Variants in CDH13 observed in about 807,000 individuals in gnomAD.
The protein encoded by CDH13 is cadherin 13.
In CDH13, 24 loss-of-function variants were observed where a neutral mutation model predicts 63.8. The ratio of observed to expected loss-of-function variants is 0.38; its 90% CI spans 0.27 to 0.53. CDH13 has a LOEUF of 0.53. Among genes scored for constraint, CDH13 ranks in the 20% least tolerant of loss-of-function variants. CDH13 has a pLI of 0.85. For missense variants in CDH13, 1,049 were observed against 903.1 expected, an observed-to-expected ratio of 1.16 and a Z score of -2.07; for synonymous variants, 503 against 355.3, an observed-to-expected ratio of 1.42 and a Z score of -4.67.
intron 3 of CDH13, among the ~76,000 whole-genome samples, chr16:83,103,696 C>G (rs989175129): frequency 1.3e-5 from 2 of 152,164 alleles, no homozygotes; most frequent in Admixed American, 1.3e-4. Flanking sequence ...AGTGTTTAAC[C>G]TTCCTGTGCC....
At chr16:83,216,406 A>ATATGTGTG (rs1305455225) in intron 4 of CDH13, among the ~76,000 whole-genome samples, 2 of 60,980 alleles carry the variant, frequency 3.3e-5, no homozygotes, top group African/African-American at 1.5e-4. Context: ...AAATATATAT[A>ATATGTGTG]TATATATATA....
intron 2 of CDH13, among the ~76,000 whole-genome samples, chr16:83,008,363 T>G (rs1913762205): frequency 6.6e-6 from 1 of 152,166 alleles, no homozygotes; most frequent in African/African-American, 2.4e-5. Flanking sequence ...CAGGGGAGCC[T>G]TGGAAATGTG....
chr16:82,998,345 A>G (rs1245194567), intron 2 of CDH13, among the ~76,000 whole-genome samples: 1 of 152,246 alleles, frequency 6.6e-6, no homozygotes, highest in Non-Finnish European at 1.5e-5. Context: ...GAACATAGCA[A>G]AAAAGCATTT....
chr16:83,538,215 G>T (rs950277613), intron 7 of CDH13, among the ~76,000 whole-genome samples: 1 of 152,184 alleles, frequency 6.6e-6, no homozygotes, highest in Non-Finnish European at 1.5e-5. Flanking sequence ...GGGAAGCTCT[G>T]CCTCTTGTTG....
chr16:83,195,558 A>G (rs2038854005), intron 4 of CDH13, among the ~76,000 whole-genome samples: 1 of 152,086 alleles, frequency 6.6e-6, no homozygotes, highest in South Asian at 2.1e-4. Context: ...GAACTCTATC[A>G]CGAGAATAGC....
At chr16:82,639,240 G>C in intron 1 of CDH13, 5 of 529,210 alleles carry the variant, frequency 9.4e-6, no homozygotes, top group Admixed American at 3.4e-5. Context: ...TGAGTTCCTA[G>C]TCTCTCAAAG....
intron 5 of CDH13, among the ~76,000 whole-genome samples, chr16:83,324,594 AT>A (rs1366403076): frequency 2.0e-5 from 3 of 152,168 alleles, no homozygotes; most frequent in African/African-American, 7.2e-5. Flanking sequence ...ATCCCATTTT[AT>A]AGCTGAGTAA....
chr16:83,348,558 C>A lies in CDH13; in HGVS notation c.781+3552C>A, dbSNP rs373879945. On this transcript the variant is annotated intron_variant, in intron 6 of 13. Transcript: ENST00000567109. ...GGGGCTTGGTTTAGCGTTCTGCTGT[C>A]ACCATGTTGAAATTCTTAATAATTG... Among the ~76,000 whole-genome samples, 4 of 152,328 alleles carry A rather than the reference C, an allele frequency of 2.6e-5. No homozygotes were observed. The East Asian group carries it at 7.7e-4, about 29-fold the overall frequency.
chr16:83,372,572 T>A, intron 6 of CDH13, among the ~76,000 whole-genome samples: 1 of 151,700 alleles, frequency 6.6e-6, no homozygotes, highest in East Asian at 1.9e-4. Context: ...GCCAACATGG[T>A]GAAACCCCAT....
At chr16:82,646,816 A>G (rs1302900596) in intron 1 of CDH13, among the ~76,000 whole-genome samples, 1 of 152,140 alleles carries the variant, frequency 6.6e-6, no homozygotes, top group South Asian at 2.1e-4. Context: ...AGCCAGAGAG[A>G]GGAAGGATGA....
chr16:82,807,294 A>T (rs1307759695), intron 1 of CDH13, among the ~76,000 whole-genome samples: 2 of 152,188 alleles, frequency 1.3e-5, no homozygotes, highest in Non-Finnish European at 2.9e-5. Context: ...AAAAGACAAA[A>T]AGGAGTTGAA....
At chr16:83,631,913 C>T (rs1425951552) in intron 8 of CDH13, among the ~76,000 whole-genome samples, 1 of 152,194 alleles carries the variant, frequency 6.6e-6, no homozygotes, top group Non-Finnish European at 1.5e-5. Flanking sequence ...TGAAGACATT[C>T]AAGAAGTCTC....
At position 82,639,174 on chromosome 16, in the gene CDH13, A is replaced by G. The variant is rs954027901; in HGVS notation, c.45+12037A>G. 5.3e-5 allele frequency among the ~76,000 whole-genome samples: 8 copies of G among 151,840 alleles called. No homozygotes were observed. The East Asian group carries it at 5.8e-4, about 11-fold the overall frequency. On this transcript the variant is annotated intron_variant, in intron 1 of 13. Coordinates refer to ENST00000567109, the MANE Select transcript of CDH13 (RefSeq NM_001257.5). ...TATATAAAAATTCTTTCCTTTGTCT[A>G]TTTTGTTCTCTACCTCCCTTAAAGT...
chr16:83,486,833 G>A (rs990548446), intron 7 of CDH13, among the ~76,000 whole-genome samples, 178 bp downstream of exon 7: 1 of 152,126 alleles, frequency 6.6e-6, no homozygotes, highest in South Asian at 2.1e-4. Flanking sequence ...TGTGACCCAA[G>A]AAAACACGTG....
At chr16:82,698,365 G>C (rs190870702) in intron 1 of CDH13, among the ~76,000 whole-genome samples, 2 of 152,324 alleles carry the variant, frequency 1.3e-5, no homozygotes, top group Admixed American at 1.3e-4. Flanking sequence ...TCTGTAGATG[G>C]TGGGAAAAAG....
intron 2 of CDH13, among the ~76,000 whole-genome samples, chr16:82,867,450 C>G (rs973005348): frequency 1.3e-5 from 2 of 152,130 alleles, no homozygotes; most frequent in Non-Finnish European, 2.9e-5. Context: ...TTTTTCTATT[C>G]TGGATGGACC....
intron 4 of CDH13, among the ~76,000 whole-genome samples, chr16:83,129,274 T>C (rs2035945312): frequency 6.6e-6 from 1 of 152,138 alleles, no homozygotes; most frequent in African/African-American, 2.4e-5. Flanking sequence ...ATTTTATAAA[T>C]ATTACGTATT....
intron 5 of CDH13, among the ~76,000 whole-genome samples, chr16:83,291,152 A>G (rs529682518): frequency 1.3e-5 from 2 of 152,340 alleles, no homozygotes; most frequent in East Asian, 1.9e-4. Flanking sequence ...CATGCTGATT[A>G]TAGTGATCGG....
chr16:83,215,703 G>C (rs1258498880), intron 4 of CDH13, among the ~76,000 whole-genome samples: 1 of 152,052 alleles, frequency 6.6e-6, no homozygotes, highest in Non-Finnish European at 1.5e-5. Context: ...CAGGTTTCCT[G>C]TCTTAGCCAC....
Sources: allele counts gnomAD v4.1 joint callset (sites outside exome capture counted in the v4.1 genomes callset), GRCh38; gene constraint gnomAD v4.1.1; transcripts MANE v1.5; gene names NCBI Gene and HGNC (gene_info 2026-07-23, HGNC 2026-07-21).